Variants in TCF4 observed in about 807,000 individuals in gnomAD.
The protein encoded by TCF4 is SL3-3 enhancer factor 2.
A neutral mutation model predicts 82.1 loss-of-function variants in TCF4; 3 were observed. That is an observed-to-expected ratio of 0.04 (90% CI 0.02 to 0.09). The LOEUF is 0.09. TCF4 is among the 10% of genes least tolerant of loss of function. TCF4 has a pLI of 1.00. For synonymous variants in TCF4, 276 were observed against 309.6 expected, an observed-to-expected ratio of 0.89 and a Z score of 1.14; for missense variants, 518 against 852.7, an observed-to-expected ratio of 0.61 and a Z score of 4.89.
intron 8 of TCF4, among the ~76,000 whole-genome samples, chr18:55,287,375 T>TAC (rs1196134766): frequency 6.6e-6 from 1 of 152,216 alleles, no homozygotes; most frequent in Non-Finnish European, 1.5e-5. Context: ...CATTCATGAG[T>TAC]ACATTAAACC....
intron 3 of TCF4, among the ~76,000 whole-genome samples, chr18:55,555,994 A>G (rs1393212929): frequency 6.6e-6 from 1 of 152,230 alleles, no homozygotes; most frequent in African/African-American, 2.4e-5. Flanking sequence ...TAGTTTAAAC[A>G]GATATTAATA....
At chr18:55,286,703 A>C (rs2063766588) in intron 8 of TCF4, among the ~76,000 whole-genome samples, 1 of 152,230 alleles carries the variant, frequency 6.6e-6, no homozygotes, top group Non-Finnish European at 1.5e-5. Flanking sequence ...ACCAAAAACC[A>C]AACCAAACCA....
At chr18:55,558,403 T>C (rs1250723021) in intron 3 of TCF4, among the ~76,000 whole-genome samples, 1 of 152,168 alleles carries the variant, frequency 6.6e-6, no homozygotes, top group Non-Finnish European at 1.5e-5. Context: ...ATTGGAATAT[T>C]TCTACTGTCA....
intron 11 of TCF4, chr18:55,266,575 G>A (rs1283483000): frequency 6.6e-6 from 1 of 151,900 alleles, no homozygotes; most frequent in Non-Finnish European, 1.5e-5. Context: ...AGCAAGGCTT[G>A]AGAAAAGTAG....
intron 3 of TCF4, among the ~76,000 whole-genome samples, chr18:55,521,975 C>T (rs1380522161): frequency 1.3e-5 from 2 of 152,116 alleles, no homozygotes; most frequent in Non-Finnish European, 2.9e-5. Context: ...ACCATCCCCA[C>T]GGCTGGGGAA....
At chr18:55,595,503 A>G (rs1322821239) in intron 2 of TCF4, among the ~76,000 whole-genome samples, 1 of 152,216 alleles carries the variant, frequency 6.6e-6, no homozygotes, top group Non-Finnish European at 1.5e-5. Context: ...AAATTAAGCA[A>G]TTTTAGAAAT....
intron 6 of TCF4, among the ~76,000 whole-genome samples, chr18:55,395,079 C>T (rs1299016110): frequency 1.3e-5 from 2 of 152,132 alleles, no homozygotes; most frequent in Non-Finnish European, 1.5e-5. Flanking sequence ...AAGCTCTCAA[C>T]AATAAAATAA....
chr18:55,316,884 G>A (rs2074281477), intron 8 of TCF4, among the ~76,000 whole-genome samples: 1 of 152,016 alleles, frequency 6.6e-6, no homozygotes. Flanking sequence ...TATTTAAAAT[G>A]CTTAGACCTA....
At chr18:55,593,962 A>G (rs888814812) in intron 2 of TCF4, among the ~76,000 whole-genome samples, 12 of 152,186 alleles carry the variant, frequency 7.9e-5, no homozygotes, top group Non-Finnish European at 1.6e-4. Flanking sequence ...TTTTAGGTTG[A>G]TAAGTCAAAT....
chr18:55,520,462 T>C (rs1438847635), intron 3 of TCF4, among the ~76,000 whole-genome samples: 3 of 152,164 alleles, frequency 2.0e-5, no homozygotes, highest in Non-Finnish European at 4.4e-5. Flanking sequence ...TGTATTTATA[T>C]AGAGATATAC....
intron 3 of TCF4, among the ~76,000 whole-genome samples, chr18:55,492,663 C>T (rs960442473): frequency 1.3e-5 from 2 of 152,196 alleles, no homozygotes; most frequent in African/African-American, 4.8e-5. Context: ...AGTCTCCTGA[C>T]TTCTTATCTT....
intron 5 of TCF4, among the ~76,000 whole-genome samples, chr18:55,415,891 T>C (rs1314515918): frequency 1.3e-5 from 2 of 152,246 alleles, no homozygotes; most frequent in African/African-American, 2.4e-5. Flanking sequence ...AAGTCTCTTT[T>C]AGTGTATGTA....
At chr18:55,510,879 T>C in intron 3 of TCF4, 2 of 662,648 alleles carry the variant, frequency 3.0e-6, no homozygotes, top group Non-Finnish European at 3.9e-6. Flanking sequence ...GCAGACCTTT[T>C]CTGAAACAAA....
At position 55,299,038 on chromosome 18, in the gene TCF4, A is replaced by G. The variant is rs574198096; in HGVS notation, c.550-19382T>C. ...TAAAGATCAGCTCTAATATAAAGATAAATATGAAGAAGTATGTCAAGCAGT... is the reference window on the plus strand; with the variant it reads ...TAAAGATCAGCTCTAATATAAAGATGAATATGAAGAAGTATGTCAAGCAGT... On this transcript the variant is annotated intron_variant, in intron 8 of 19. Coordinates refer to ENST00000354452, the MANE Select transcript of TCF4 (RefSeq NM_001083962.2). Among the ~76,000 whole-genome samples, 3 of 152,324 alleles carry G rather than the reference A, an allele frequency of 2.0e-5. No individual in the cohort carries two copies. In the East Asian group the frequency reaches 5.8e-4, roughly 29 times the overall value.
intron 3 of TCF4, among the ~76,000 whole-genome samples, chr18:55,543,487 G>T (rs573726645): frequency 6.6e-6 from 1 of 152,142 alleles, no homozygotes; most frequent in South Asian, 2.1e-4. Context: ...GCAGAAATCA[G>T]CCATAGTCTG....
chr18:55,366,704 T>C (rs1326585270), intron 6 of TCF4, among the ~76,000 whole-genome samples: 2 of 152,252 alleles, frequency 1.3e-5, no homozygotes, highest in African/African-American at 4.8e-5. Flanking sequence ...GGCACATGTA[T>C]TTGAGCACAG....
chr18:55,434,987 T>C (rs2095298905), intron 5 of TCF4, among the ~76,000 whole-genome samples: 1 of 152,188 alleles, frequency 6.6e-6, no homozygotes, highest in Non-Finnish European at 1.5e-5. Context: ...AAATTATTAT[T>C]GATTATAATC....
At chr18:55,612,530 C>T (rs2097708046) in intron 2 of TCF4, among the ~76,000 whole-genome samples, 1 of 151,746 alleles carries the variant, frequency 6.6e-6, no homozygotes, top group South Asian at 2.1e-4. Flanking sequence ...ATGTAGCTCA[C>T]TGTATTGTTG....
At chr18:55,275,562 G>A (rs2061350148) in intron 10 of TCF4, 57 bp downstream of exon 10, 1 of 1,611,784 alleles carries the variant, frequency 6.2e-7, no homozygotes, top group African/African-American at 1.3e-5. Context: ...GAAAGACAGA[G>A]GACGAGGTTT....
Sources: allele counts gnomAD v4.1 joint callset (sites outside exome capture counted in the v4.1 genomes callset), GRCh38; gene constraint gnomAD v4.1.1; transcripts MANE v1.5; gene names NCBI Gene and HGNC (gene_info 2026-07-23, HGNC 2026-07-21).